The following GADL1 variants were observed in gnomAD, a reference collection of about 807,000 sequenced individuals.
GADL1 encodes acidic amino acid decarboxylase GADL1.
Under a neutral mutation model 69.5 loss-of-function variants are expected in GADL1, and 71 were observed. The ratio of observed to expected loss-of-function variants is 1.02; its 90% CI spans 0.84 to 1.25. GADL1 has a LOEUF of 1.25. Among genes scored for constraint, GADL1 ranks in the 50% most tolerant of loss-of-function variants. The probability of loss-of-function intolerance (pLI) is 0.00; values close to 1 mark genes in which losing one functional copy is unlikely to be tolerated. For synonymous variants in GADL1, 254 were observed against 214.4 expected (o/e 1.18, Z -1.62); for missense variants, 737 against 631.8 (o/e 1.17, Z -1.79).
At position 30,800,974 on chromosome 3, in the gene GADL1, C is replaced by G; in HGVS notation, c.1165G>C (p.Asp389His). ...DKSIQCSRRP[D>H]AFKFWMTWKA... ...CAGGTCATCCAGAACTTGAATGCAT[C>G]TGGTCTTCTGCTACACTGGATAGAC... Residue 389 changes from aspartate to histidine, a missense_variant, in exon 12 of 15, where the codon GAT becomes CAT. By Grantham distance (81) the Asp-to-His change is moderately conservative. Transcript: ENST00000282538. 1.2e-6 allele frequency: 2 copies of G among 1,613,914 alleles called. No individual in the cohort carries two copies. Among genetic ancestry groups the G allele is most frequent in the Non-Finnish European group, 8.5e-7 (1 of 1,179,920 alleles).
chr3:30,828,584 C>T (rs1268277387), intron 11 of GADL1, among the ~76,000 whole-genome samples: 1 of 151,684 alleles, frequency 6.6e-6, no homozygotes, highest in African/African-American at 2.4e-5. Flanking sequence ...ACATTTAAAA[C>T]CTAGGCAATT....
chr3:30,752,764 T>C lies in GADL1; in HGVS notation c.1393-24349A>G, dbSNP rs547591718. ...ATTTAGAAAGTGGAGTCCAAAGATT[T>C]GTTAGCATTTGAGATGTTAATGGCA... On this transcript the variant is annotated intron_variant, in intron 14 of 14. Coordinates refer to ENST00000282538, the MANE Select transcript of GADL1 (RefSeq NM_207359.3). Among the ~76,000 whole-genome samples, 34 of 152,308 alleles carry C rather than the reference T, an allele frequency of 2.2e-4. 1 individual carries two copies. In the South Asian group the frequency reaches 6.6e-3, roughly 30 times the overall value.
intron 14 of GADL1, among the ~76,000 whole-genome samples, chr3:30,765,265 A>C (rs1696243154): frequency 6.6e-6 from 1 of 151,842 alleles, no homozygotes; most frequent in Non-Finnish European, 1.5e-5. Context: ...CTCTTCCTGC[A>C]CATCAAAAGC....
chr3:30,855,009 GA>G (rs1356833474), intron 3 of GADL1, among the ~76,000 whole-genome samples: 2 of 152,196 alleles, frequency 1.3e-5, no homozygotes, highest in East Asian at 3.9e-4. Flanking sequence ...TATGGATTGG[GA>G]AGGGACTTCA....
intron 14 of GADL1, among the ~76,000 whole-genome samples, chr3:30,759,268 TA>T (rs1696062563): frequency 6.6e-6 from 1 of 152,176 alleles, no homozygotes; most frequent in South Asian, 2.1e-4. Flanking sequence ...TAATTATCTA[TA>T]AATCTTTTTC....
chr3:30,883,519 A>G (rs924044778), intron 1 of GADL1, among the ~76,000 whole-genome samples: 1 of 151,960 alleles, frequency 6.6e-6, no homozygotes, highest in African/African-American at 2.4e-5. Context: ...GTCTGTCTTT[A>G]TGCTAGTACC....
At chr3:30,794,857 T>C (rs924844939) in intron 12 of GADL1, among the ~76,000 whole-genome samples, 2 of 152,278 alleles carry the variant, frequency 1.3e-5, no homozygotes, top group South Asian at 4.1e-4. Context: ...TCTTAGTCAA[T>C]ATAAAAACTT....
At chr3:30,829,108 C>A (rs1697742876) in intron 11 of GADL1, among the ~76,000 whole-genome samples, 1 of 151,880 alleles carries the variant, frequency 6.6e-6, no homozygotes. Flanking sequence ...TAGATCAAAG[C>A]ATCAAAACTG....
At chr3:30,768,216 G>A (rs548070273) in intron 14 of GADL1, among the ~76,000 whole-genome samples, 23 of 152,190 alleles carry the variant, frequency 1.5e-4, no homozygotes, top group South Asian at 2.1e-4. Context: ...GCACTTTATC[G>A]TCTGGAAATA....
chr3:30,783,175 A>ATG (rs1277485811), intron 13 of GADL1, among the ~76,000 whole-genome samples: 6 of 152,196 alleles, frequency 3.9e-5, no homozygotes, highest in African/African-American at 1.4e-4. Context: ...AACTCAGTTG[A>ATG]TGAAACATTA....
At chr3:30,871,049 G>GTGTGTGTGTGTGTGTGTA (rs1255713808) in intron 1 of GADL1, among the ~76,000 whole-genome samples, 9 of 147,396 alleles carry the variant, frequency 6.1e-5, no homozygotes, top group Non-Finnish European at 1.2e-4. Flanking sequence ...AAAAGTGTGT[G>GTGTGTGTGTGTGTGTGTA]TGTGTGTGTG....
rs4455352 is a variant in GADL1, at chr3:30,817,399, A to T, written c.1051-16311T>A. 2.6e-5 allele frequency among the ~76,000 whole-genome samples: 4 copies of T among 152,294 alleles called. 1 individual carries two copies. In the South Asian group the frequency reaches 8.3e-4, roughly 32 times the overall value. Reference sequence around the variant, plus strand: ...CAATCATGGGTAAGTCATTTCCTCAATCACAAGCTTTTTAAACAAAGAAGA... The same window carrying T: ...CAATCATGGGTAAGTCATTTCCTCATTCACAAGCTTTTTAAACAAAGAAGA... On this transcript the variant is annotated intron_variant, in intron 11 of 14. Coordinates refer to ENST00000282538, the MANE Select transcript of GADL1 (RefSeq NM_207359.3).
intron 11 of GADL1, among the ~76,000 whole-genome samples, chr3:30,811,638 A>T (rs1697356884): frequency 6.6e-6 from 1 of 152,294 alleles, no homozygotes; most frequent in Non-Finnish European, 1.5e-5. Flanking sequence ...AGTACACATT[A>T]TTACCACATG....
At chr3:30,804,199 CCAT>C (rs891841310) in intron 11 of GADL1, among the ~76,000 whole-genome samples, 3 of 152,094 alleles carry the variant, frequency 2.0e-5, no homozygotes, top group Non-Finnish European at 2.9e-5. Context: ...TAAGTAATAT[CCAT>C]CATCAGGAAT....
chr3:30,752,614 G>A (rs901046869), intron 14 of GADL1, among the ~76,000 whole-genome samples: 1 of 152,020 alleles, frequency 6.6e-6, no homozygotes, highest in African/African-American at 2.4e-5. Context: ...CTCTTAACCT[G>A]TTCCCCTTAA....
At chr3:30,788,508 T>G (rs1467912240) in intron 12 of GADL1, among the ~76,000 whole-genome samples, 1 of 152,218 alleles carries the variant, frequency 6.6e-6, no homozygotes, top group East Asian at 1.9e-4. Context: ...GGTTGCTGAC[T>G]GATCAAAAGG....
In GADL1 at chr3:30,893,145, C is replaced by A. The variant is rs1409056775; in HGVS notation, c.37+1433G>T. Among the ~76,000 whole-genome samples, 4 of 152,362 alleles carry A rather than the reference C, an allele frequency of 2.6e-5. 1 individual carries two copies. In the South Asian group the frequency reaches 6.2e-4, roughly 24 times the overall value. On this transcript the variant is annotated intron_variant, in intron 1 of 14. Coordinates refer to ENST00000282538, the MANE Select transcript of GADL1 (RefSeq NM_207359.3). ...TGCTGGGATTATAGGCGTGAGCCAT[C>A]ATGCCCAGCCTAACCAAATATTTAA...
At chr3:30,825,357 A>G (rs548726872) in intron 11 of GADL1, among the ~76,000 whole-genome samples, 26 of 152,094 alleles carry the variant, frequency 1.7e-4, no homozygotes, top group African/African-American at 5.1e-4. Flanking sequence ...TATAAAATCT[A>G]TTTTCAACTT....
At chr3:30,767,305 AAT>A (rs1373867882) in intron 14 of GADL1, among the ~76,000 whole-genome samples, 2 of 152,178 alleles carry the variant, frequency 1.3e-5, no homozygotes, top group Non-Finnish European at 2.9e-5. Flanking sequence ...AAAAATGAAA[AAT>A]ATTAAAGAAT....
Sources: gnomAD v4.1 joint callset for allele counts (sites outside exome capture counted in the v4.1 genomes callset) on GRCh38, gnomAD v4.1.1 for gene constraint, MANE v1.5 for transcripts, NCBI Gene and HGNC (gene_info 2026-07-23, HGNC 2026-07-21) for gene names.